The following PDIA3 variants were observed in gnomAD, a reference collection of about 807,000 sequenced individuals.
PDIA3 encodes the protein protein disulfide isomerase family A member 3, also known as protein disulfide-isomerase A3.
In PDIA3, 16 loss-of-function variants were observed where a neutral mutation model predicts 56.9. That is an observed-to-expected ratio of 0.28 (90% CI 0.19 to 0.43). The LOEUF (loss-of-function observed/expected upper bound fraction) is 0.43, where lower values mean the gene tolerates loss of function less well. Ranked by LOEUF, PDIA3 falls within the 20% of genes least tolerant of loss-of-function variation. PDIA3 has a pLI of 1.00. For synonymous variants in PDIA3, 192 were observed against 216.5 expected, an observed-to-expected ratio of 0.89 and a Z score of 0.99; for missense variants, 485 against 621.3, an observed-to-expected ratio of 0.78 and a Z score of 2.33.
At chr15:43,752,437 T>G (rs2141644813) in intron 1 of PDIA3, among the ~76,000 whole-genome samples, 1 of 152,346 alleles carries the variant, frequency 6.6e-6, no homozygotes, top group South Asian at 2.1e-4. Context: ...ATAACATGAC[T>G]GCAAAATACA....
intron 7 of PDIA3, 28 bp downstream of exon 7, chr15:43,766,040 G>T: frequency 1.2e-6 from 2 of 1,603,972 alleles, no homozygotes; most frequent in South Asian, 2.2e-5. Context: ...TTTCCCTCAT[G>T]AACAAGTTTA....
chr15:43,752,654 C>T, intron 1 of PDIA3: 2 of 386,034 alleles, frequency 5.2e-6, no homozygotes, highest in Admixed American at 3.2e-5. Context: ...GGAGAATAAG[C>T]TGTTATAATC....
chr15:43,762,231 G>A (rs751306920), intron 4 of PDIA3, among the ~76,000 whole-genome samples: 32 of 152,166 alleles, frequency 2.1e-4, no homozygotes, highest in Admixed American at 1.1e-3. Context: ...ACTGACTTTC[G>A]CCTGGCTCAG....
intron 9 of PDIA3, among the ~76,000 whole-genome samples, chr15:43,768,936 A>G (rs543671360): frequency 6.6e-6 from 1 of 152,048 alleles, no homozygotes; most frequent in East Asian, 1.9e-4. Flanking sequence ...AGGCAGGAGA[A>G]TCGCCTGAAC....
intron 8 of PDIA3, 142 bp from the exon 9 acceptor site, chr15:43,768,347 A>G: frequency 1.7e-6 from 1 of 587,682 alleles, no homozygotes; most frequent in Non-Finnish European, 3.1e-6. Context: ...TTCAGTCGGT[A>G]GTTCTGCATA....
chr15:43,773,241 C>T lies in PDIA3; in HGVS notation c.*2023C>T. 1 of 1,613,654 alleles carries T rather than the reference C, an allele frequency of 6.2e-7. No homozygotes were observed. The highest frequency in any genetic ancestry group is 2.2e-5 in the East Asian group (1 of 44,882). On this transcript the variant is annotated 3_prime_UTR_variant, in exon 13 of 13. Transcript: ENST00000300289. ...CTTGGGTACTGCTGCAGAGAAAAAGCATCCATGTCAAAAAGTAAAAATTCT... is the reference window on the plus strand; with the variant it reads ...CTTGGGTACTGCTGCAGAGAAAAAGTATCCATGTCAAAAAGTAAAAATTCT...
chr15:43,746,806 TC>T, intron 1 of PDIA3, 100 bp downstream of exon 1: 1 of 1,301,086 alleles, frequency 7.7e-7, no homozygotes. Flanking sequence ...GGCCCTTCAT[TC>T]CTGTGGGCCC....
intron 4 of PDIA3, among the ~76,000 whole-genome samples, chr15:43,762,636 GTATT>G (rs1316110140): frequency 6.6e-6 from 1 of 151,992 alleles, no homozygotes; most frequent in African/African-American, 2.4e-5. Flanking sequence ...GAGTTAGCAT[GTATT>G]TATTAAACAT....
At chr15:43,768,445 G>A (rs762560654) in intron 8 of PDIA3, 44 bp from the exon 9 acceptor site, 21 of 1,406,200 alleles carry the variant, frequency 1.5e-5, no homozygotes, top group Non-Finnish European at 1.0e-6. Flanking sequence ...TTTCTCAGCG[G>A]TGGGAATAGA....
rs750639930 is a variant in PDIA3, at chr15:43,763,084, C to T, written c.480C>T (p.Phe160=). The change falls in exon 5 of 13, where the codon TTC becomes TTT. Residue 160 remains phenylalanine, a synonymous_variant. Transcript: ENST00000300289. ...TTAATATTTTCTGTATAGGTTTTTT[C>T]GATGATTCATTCAGTGAGGCTCACT... ...SDKDASIVGF[F]DDSFSEAHSE... 10 of 1,612,422 alleles carry T rather than the reference C, an allele frequency of 6.2e-6. No individual in the cohort carries two copies. Among genetic ancestry groups the T allele is most frequent in the South Asian group, 1.1e-5 (1 of 90,884 alleles).
chr15:43,751,898 A>G (rs1424568890), intron 1 of PDIA3: 1 of 490,534 alleles, frequency 2.0e-6, no homozygotes, highest in Non-Finnish European at 3.4e-6. Flanking sequence ...AGTTGAAACA[A>G]TTAACTCATA....
intron 1 of PDIA3, among the ~76,000 whole-genome samples, chr15:43,749,990 G>A (rs1046318285): frequency 4.7e-5 from 7 of 149,744 alleles, no homozygotes; most frequent in Non-Finnish European, 7.4e-5. Context: ...CCTTATTCTC[G>A]TCACAAAATA....
chr15:43,758,424 C>T (rs1241927443), intron 3 of PDIA3, among the ~76,000 whole-genome samples: 1 of 151,858 alleles, frequency 6.6e-6, no homozygotes, highest in Non-Finnish European at 1.5e-5. Flanking sequence ...TTTGGGAGGC[C>T]AAGGCAGGCA....
Position 43,756,660 on chromosome 15 carries a change from T to G in PDIA3, c.258T>G (p.Thr86=), listed in dbSNP as rs762412133. The part of the protein sequence containing the change: ...GIVPLAKVDC[T]ANTNTCNKYG... ...ATTTTGATCTTTAGGTTGATTGCAC[T>G]GCCAACACTAACACCTGTAATAAAT... The change falls in exon 3 of 13, where the codon ACT becomes ACG. Residue 86 remains threonine, a synonymous_variant. Coordinates refer to ENST00000300289, the MANE Select transcript of PDIA3 (RefSeq NM_005313.5). 1 of 1,589,968 alleles carries G rather than the reference T, an allele frequency of 6.3e-7. No individual in the cohort carries two copies. The highest frequency in any genetic ancestry group is 1.7e-5 in the Admixed American group (1 of 59,962).
chr15:43,746,517 C>A lies in PDIA3; in HGVS notation c.-23C>A. ...CCAGCCGAGCCGCGACCCTTCCGGC[C>A]GTCCCCACCCCACCTCGCCGCCATG... On this transcript the variant is annotated 5_prime_UTR_variant, in exon 1 of 13. Coordinates refer to ENST00000300289, the MANE Select transcript of PDIA3 (RefSeq NM_005313.5). 1.3e-6 allele frequency: 2 copies of A among 1,562,708 alleles called. No homozygotes were observed. The highest frequency in any genetic ancestry group is 1.7e-6 in the Non-Finnish European group (2 of 1,157,076).
chr15:43,748,302 AC>A (rs11356950), intron 1 of PDIA3, among the ~76,000 whole-genome samples: 123,356 of 151,844 alleles, frequency 0.81, 50,441 homozygotes, highest in East Asian at 1. Flanking sequence ...TCATGGAGAA[AC>A]CCCCGTCTCT....
rs1423803041 is a variant in PDIA3 at position 43,746,609 on chromosome 15, G to C, written c.70G>C (p.Ala24Pro). ...LLLAAARLAA[A>P]SDVLELTDDN... ...TCTTGCCGCGGCCCGCCTCGCCGCT[G>C]CCTCCGACGTGCTAGAACTCACGGA... Residue 24 changes from alanine (A) to proline (P), a missense_variant, in exon 1 of 13, where the codon GCC becomes CCC. By Grantham distance (27) the Ala-to-Pro change is conservative (BLOSUM62 -1). Coordinates refer to ENST00000300289, the MANE Select transcript of PDIA3 (RefSeq NM_005313.5). 6.2e-7 allele frequency: 1 copy of C among 1,612,650 alleles called. No homozygotes were observed. The highest frequency in any genetic ancestry group is 8.5e-7 in the Non-Finnish European group (1 of 1,179,840).
chr15:43,766,757 A>G lies in PDIA3; in HGVS notation c.875A>G (p.Asp292Gly). Residue 292 changes from aspartate to glycine, a missense_variant, in exon 8 of 13, where the codon GAT becomes GGT. Coordinates refer to ENST00000300289, the MANE Select transcript of PDIA3 (RefSeq NM_005313.5). ...RVMMVAKKFL[D>G]AGHKLNFAVA... Reference sequence around the variant, plus strand: ...ATGATGGTGGCAAAGAAATTCCTGGATGCTGGGCACAAACTCAACTTTGCT... The same window carrying G: ...ATGATGGTGGCAAAGAAATTCCTGGGTGCTGGGCACAAACTCAACTTTGCT... The G allele has an allele frequency of 6.2e-7, 1 of 1,613,990 alleles. No individual in the cohort carries two copies.
intron 1 of PDIA3, among the ~76,000 whole-genome samples, chr15:43,748,887 G>C (rs2086725269): frequency 6.6e-6 from 1 of 151,652 alleles, no homozygotes; most frequent in East Asian, 1.9e-4. Flanking sequence ...CCCTGCCTCA[G>C]CCTCCCGAGT....
Sources: allele counts gnomAD v4.1 joint callset (sites outside exome capture counted in the v4.1 genomes callset), GRCh38; gene constraint gnomAD v4.1.1; transcripts MANE v1.5; gene names NCBI Gene and HGNC (gene_info 2026-07-23, HGNC 2026-07-21).